Variants in CPNE4 observed in about 807,000 individuals in gnomAD.
CPNE4 encodes the protein copine-4.
Under a neutral mutation model 67.9 loss-of-function variants are expected in CPNE4, and 25 were observed. The ratio of observed to expected loss-of-function variants is 0.37; its 90% CI spans 0.27 to 0.51. The LOEUF (loss-of-function observed/expected upper bound fraction) is 0.51, where lower values mean the gene tolerates loss of function less well. Among genes scored for constraint, CPNE4 ranks in the 20% least tolerant of loss-of-function variants. CPNE4 has a pLI of 0.93. For missense variants in CPNE4, 464 were observed against 690.8 expected (o/e 0.67, Z 3.68); for synonymous variants, 242 against 244.9 (o/e 0.99, Z 0.11).
At chr3:131,894,452 A>G (rs1196427623) in intron 2 of CPNE4, among the ~76,000 whole-genome samples, 1 of 152,002 alleles carries the variant, frequency 6.6e-6, no homozygotes, top group Non-Finnish European at 1.5e-5. Flanking sequence ...AGAATGGGGT[A>G]AAATATTTGC....
At chr3:131,658,313 G>A (rs1243933759) in intron 7 of CPNE4, among the ~76,000 whole-genome samples, 4 of 152,110 alleles carry the variant, frequency 2.6e-5, no homozygotes, top group African/African-American at 7.2e-5. Flanking sequence ...CATGCAGCAC[G>A]AGTGGCCTCT....
chr3:131,833,356 T>C (rs2108000316), intron 2 of CPNE4, among the ~76,000 whole-genome samples: 1 of 152,300 alleles, frequency 6.6e-6, no homozygotes, highest in South Asian at 2.1e-4. Context: ...AGCTAAGCAT[T>C]CCATTTATAT....
intron 2 of CPNE4, among the ~76,000 whole-genome samples, chr3:131,806,745 T>C (rs764200095): frequency 6.6e-4 from 101 of 152,308 alleles, no homozygotes; most frequent in South Asian, 1.2e-3. Flanking sequence ...TTTCTTGCTC[T>C]GGTTTCTAAC....
At chr3:131,787,807 G>A (rs187769624) in intron 2 of CPNE4, among the ~76,000 whole-genome samples, 1 of 152,088 alleles carries the variant, frequency 6.6e-6, no homozygotes, top group South Asian at 2.1e-4. Context: ...GCAGAATCTG[G>A]AAACTATGAA....
chr3:131,943,674 C>G (rs553593624), intron 1 of CPNE4, among the ~76,000 whole-genome samples: 1 of 152,220 alleles, frequency 6.6e-6, no homozygotes, highest in African/African-American at 2.4e-5. Flanking sequence ...TCTAGTCCTT[C>G]TCCTGCAGCA....
At chr3:131,599,175 G>T (rs1354695943) in intron 7 of CPNE4, among the ~76,000 whole-genome samples, 1 of 152,144 alleles carries the variant, frequency 6.6e-6, no homozygotes, top group African/African-American at 2.4e-5. Context: ...TAAAAATTCA[G>T]TGACAACATT....
chr3:131,920,927 T>A (rs2070725471), intron 1 of CPNE4, among the ~76,000 whole-genome samples: 1 of 152,158 alleles, frequency 6.6e-6, no homozygotes, highest in Non-Finnish European at 1.5e-5. Context: ...CAGATTTACA[T>A]GGTAAATGGC....
intron 1 of CPNE4, among the ~76,000 whole-genome samples, chr3:131,942,173 A>C (rs369352369): frequency 6.6e-6 from 1 of 152,070 alleles, no homozygotes; most frequent in Non-Finnish European, 1.5e-5. Flanking sequence ...TAAGTCTGTT[A>C]ATTGAGAAAA....
intron 2 of CPNE4, among the ~76,000 whole-genome samples, chr3:131,859,382 C>T (rs930638486): frequency 6.6e-6 from 1 of 152,152 alleles, no homozygotes; most frequent in African/African-American, 2.4e-5. Context: ...CTATTCAATA[C>T]TCATCATTGT....
At chr3:131,724,897 A>G (rs2081968441) in intron 2 of CPNE4, among the ~76,000 whole-genome samples, 1 of 152,230 alleles carries the variant, frequency 6.6e-6, no homozygotes, top group Admixed American at 6.5e-5. Context: ...ACTTGTCACA[A>G]GTAAAAATAT....
rs2084030538 is a variant in CPNE4, at chr3:131,799,903, CGTGTGTGTGTGTGTGTTGTGTGTGTGTGT to C, written c.181-76307_181-76279del. Among the ~76,000 whole-genome samples, 4 of 136,182 alleles carry C rather than the reference CGTGTGTGTGTGTGTGTTGTGTGTGTGTGT, an allele frequency of 2.9e-5. No individual in the cohort carries two copies. In the South Asian group the frequency reaches 7.8e-4, roughly 26 times the overall value. 89.3% of individuals were successfully genotyped at this position (136,182 alleles called of 152,430 possible). A position where few individuals can be genotyped will look rare whatever the true frequency, so the allele number is the denominator to read the frequency against. On this transcript the variant is annotated intron_variant, in intron 2 of 15. Transcript: ENST00000429747. ...TCAGGTGGATTGTTTTTTGTTGGTGCGTGTGTGTGTGTGTGTTGTGTGTGTGTGTGTGTGTGTGTGTGTGTGTGTGTGTA... is the reference window on the plus strand; with the variant it reads ...TCAGGTGGATTGTTTTTTGTTGGTGCGTGTGTGTGTGTGTGTGTGTGTGTA...
intron 1 of CPNE4, among the ~76,000 whole-genome samples, chr3:131,961,699 T>C (rs753527967): frequency 1.1e-4 from 17 of 152,172 alleles, no homozygotes; most frequent in Non-Finnish European, 2.1e-4. Context: ...GGACTAAAGA[T>C]AGAACATACA....
chr3:131,955,424 T>TG (rs1199046305), intron 1 of CPNE4, among the ~76,000 whole-genome samples: 1 of 134,374 alleles, frequency 7.4e-6, no homozygotes, highest in African/African-American at 2.8e-5. Flanking sequence ...TTTTTTTTTT[T>TG]TTTTTTTTTT....
chr3:131,759,096 G>A (rs1233112845), intron 2 of CPNE4, among the ~76,000 whole-genome samples: 1 of 152,224 alleles, frequency 6.6e-6, no homozygotes, highest in South Asian at 2.1e-4. Flanking sequence ...AGGATGATGG[G>A]GATGCCAGAA....
intron 2 of CPNE4, among the ~76,000 whole-genome samples, chr3:131,865,551 C>T (rs1394504251): frequency 2.0e-5 from 3 of 152,056 alleles, no homozygotes; most frequent in African/African-American, 7.2e-5. Context: ...ATAAGGGAGC[C>T]ATCACCCTAC....
At chr3:131,825,513 T>G (rs1323257567) in intron 2 of CPNE4, among the ~76,000 whole-genome samples, 1 of 144,996 alleles carries the variant, frequency 6.9e-6, no homozygotes, top group African/African-American at 2.7e-5. Context: ...AAAAAAACAT[T>G]GGTAACTTCT....
chr3:131,620,361 A>G, intron 7 of CPNE4: 1 of 655,834 alleles, frequency 1.5e-6, no homozygotes, highest in Non-Finnish European at 1.9e-6. Flanking sequence ...AAAGGTTTTA[A>G]ATTGACAAAC....
chr3:131,565,090 C>T (rs761337498), intron 10 of CPNE4, among the ~76,000 whole-genome samples: 6 of 151,970 alleles, frequency 3.9e-5, no homozygotes, highest in Non-Finnish European at 5.9e-5. Context: ...AGTCACTGAA[C>T]ACTTCTTAAT....
chr3:131,675,375 G>C (rs2080529242), intron 6 of CPNE4, among the ~76,000 whole-genome samples: 1 of 152,098 alleles, frequency 6.6e-6, no homozygotes, highest in African/African-American at 2.4e-5. Flanking sequence ...TTGATTTTCT[G>C]ACTGGATGAT....
Sources: gnomAD v4.1 joint callset for allele counts (sites outside exome capture counted in the v4.1 genomes callset) on GRCh38, gnomAD v4.1.1 for gene constraint, MANE v1.5 for transcripts, NCBI Gene and HGNC (gene_info 2026-07-23, HGNC 2026-07-21) for gene names.